The following CCDC73 variants were observed in gnomAD, a reference collection of about 807,000 sequenced individuals.
The protein encoded by CCDC73 is coiled-coil domain-containing protein 73.
In CCDC73, 95 loss-of-function variants were observed where a neutral mutation model predicts 116.5. The observed-to-expected ratio is 0.82, with a 90% CI of 0.69 to 0.97. CCDC73 has a LOEUF of 0.97. Among genes scored for constraint, CCDC73 ranks in the 50% least tolerant of loss-of-function variants. The probability of loss-of-function intolerance (pLI) is 0.00; values close to 1 mark genes in which losing one functional copy is unlikely to be tolerated. For missense variants in CCDC73, 1,066 were observed against 1,206.8 expected, an observed-to-expected ratio of 0.88 and a Z score of 1.73; for synonymous variants, 398 against 401.3, an observed-to-expected ratio of 0.99 and a Z score of 0.10.
Position 32,637,021 on chromosome 11 carries a change from T to TC in CCDC73, c.1051-1192_1051-1191insG, listed in dbSNP as rs1374061841. 3.5e-3 allele frequency among the ~76,000 whole-genome samples: 461 copies of TC among 131,636 alleles called. 2 individuals carry two copies. The highest frequency in any genetic ancestry group is 9.5e-3 in the African/African-American group (351 of 36,932). The allele number at this position is 131,636 out of a possible 152,430, so 86.4% of individuals were successfully genotyped here. On this transcript the variant is annotated intron_variant, in intron 13 of 17. Coordinates refer to ENST00000335185, the MANE Select transcript of CCDC73 (RefSeq NM_001008391.4). ...TCTGTTTCACTTTTTCTTTTTCTTTTTTTTTTTTTTTTTTTTGAGAAGGAG... is the reference window on the plus strand; with the variant it reads ...TCTGTTTCACTTTTTCTTTTTCTTTTCTTTTTTTTTTTTTTTTGAGAAGGAG...
At chr11:32,798,243 A>G (rs1253557680), upstream of CCDC73, among the ~76,000 whole-genome samples, 1 of 152,282 alleles carries the variant, frequency 6.6e-6, no homozygotes, top group Non-Finnish European at 1.5e-5. Context: ...GATAAGGTGC[A>G]CAAAGTGCAT....
At chr11:32,698,291 T>C (rs578034450) in intron 6 of CCDC73, among the ~76,000 whole-genome samples, 24 of 152,306 alleles carry the variant, frequency 1.6e-4, no homozygotes, top group African/African-American at 5.8e-4. Context: ...CCCAAAGTGC[T>C]AGGATTACAG....
At chr11:32,763,340 C>T (rs1850409177) in intron 1 of CCDC73, among the ~76,000 whole-genome samples, 1 of 152,202 alleles carries the variant, frequency 6.6e-6, no homozygotes, top group African/African-American at 2.4e-5. Context: ...AACTGGGAGG[C>T]CCCCCAGTAG....
chr11:32,684,064 T>TTGTG (rs1306163880), intron 6 of CCDC73, among the ~76,000 whole-genome samples: 2 of 152,018 alleles, frequency 1.3e-5, no homozygotes, highest in African/African-American at 2.4e-5. Flanking sequence ...GTTTGTTTGT[T>TTGTG]TTTAAGATAC....
At chr11:32,690,457 C>T (rs767797118) in intron 6 of CCDC73, among the ~76,000 whole-genome samples, 6 of 152,124 alleles carry the variant, frequency 3.9e-5, no homozygotes, top group African/African-American at 9.7e-5. Flanking sequence ...GCTCTGTGTC[C>T]CCACCCAAAT....
intron 3 of CCDC73, 110 bp downstream of exon 3, chr11:32,717,966 A>C (rs1849959858): frequency 1.4e-6 from 1 of 708,700 alleles, no homozygotes; most frequent in Non-Finnish European, 2.3e-6. Flanking sequence ...AAACTGCCCA[A>C]ATGATTCAAT....
Position 32,745,723 on chromosome 11 carries a change from T to TTTTGTTTG in CCDC73, c.135+14378_135+14385dup, listed in dbSNP as rs147851409. ...GGATTGCAACCCCTGGTTTTTGTTT[T>TTTTGTTTG]TTTGTTTGTTTGTTTGTTTTGGTTT... On this transcript the variant is annotated intron_variant, in intron 2 of 17. Transcript: ENST00000335185. Among the ~76,000 whole-genome samples the TTTTGTTTG allele has an allele frequency of 2.1e-3, 305 of 142,832 alleles. 1 individual carries two copies. Among genetic ancestry groups the TTTTGTTTG allele is most frequent in the African/African-American group, 7.4e-3 (284 of 38,316 alleles). The allele number at this position is 142,832 out of a possible 152,430, so 93.7% of individuals were successfully genotyped here.
intron 2 of CCDC73, among the ~76,000 whole-genome samples, chr11:32,730,996 C>G (rs1403219282): frequency 2.0e-5 from 3 of 152,210 alleles, no homozygotes; most frequent in African/African-American, 7.2e-5. Flanking sequence ...CCGGGAAGCA[C>G]AAGGGTTTGG....
chr11:32,652,280 G>A (rs1855832226), intron 12 of CCDC73, among the ~76,000 whole-genome samples: 1 of 151,116 alleles, frequency 6.6e-6, no homozygotes, highest in South Asian at 2.1e-4. Flanking sequence ...CTCCAGCCTG[G>A]GTGACAGAAC....
At chr11:32,663,682 G>A (rs1590578021) in intron 9 of CCDC73, among the ~76,000 whole-genome samples, 1 of 152,054 alleles carries the variant, frequency 6.6e-6, no homozygotes, top group Non-Finnish European at 1.5e-5. Context: ...TCTTTCTCTT[G>A]CCTGATTGCC....
At chr11:32,759,326 C>A (rs1850370218) in intron 2 of CCDC73, among the ~76,000 whole-genome samples, 1 of 136,180 alleles carries the variant, frequency 7.3e-6, no homozygotes, top group Non-Finnish European at 1.5e-5. Context: ...AACATTTTTT[C>A]CTTTTTTTTT....
intron 1 of CCDC73, among the ~76,000 whole-genome samples, chr11:32,773,723 T>A (rs1850509451): frequency 6.6e-6 from 1 of 151,444 alleles, no homozygotes; most frequent in Admixed American, 6.6e-5. Context: ...GAGGTAACAG[T>A]GAGCTATGAT....
intron 2 of CCDC73, among the ~76,000 whole-genome samples, chr11:32,734,952 T>C (rs1466118151): frequency 6.6e-6 from 1 of 152,174 alleles, no homozygotes; most frequent in Non-Finnish European, 1.5e-5. Flanking sequence ...AGAAAAGGCC[T>C]TTGACAAAAT....
chr11:32,739,187 G>A (rs1850161916), intron 2 of CCDC73, among the ~76,000 whole-genome samples: 2 of 151,844 alleles, frequency 1.3e-5, no homozygotes, highest in Non-Finnish European at 1.5e-5. Context: ...GGTCTTTCGT[G>A]GTTCCATATA....
At chr11:32,806,921 A>C in the CCDC73 span, among the ~76,000 whole-genome samples, 12 of 152,196 alleles carry the variant, frequency 7.9e-5, no homozygotes, top group Admixed American at 7.9e-4. Context: ...GAGTGAAGGA[A>C]GACGAATGCA....
chr11:32,605,432 CATT>C (rs1056057008), intron 17 of CCDC73: 1 of 152,144 alleles, frequency 6.6e-6, no homozygotes, highest in Non-Finnish European at 1.5e-5. Context: ...TCAGTTTACT[CATT>C]AGCTTCTTTT....
the CCDC73 span, among the ~76,000 whole-genome samples, chr11:32,811,724 C>T: frequency 6.6e-6 from 1 of 151,950 alleles, no homozygotes; most frequent in South Asian, 2.1e-4. Flanking sequence ...TTTAAACAAC[C>T]AGATCTCACA....
chr11:32,702,936 AAG>A lies in CCDC73; in HGVS notation c.214_215del (p.Leu72SerfsTer19), dbSNP rs770500366. 34 of 1,610,926 alleles carry A rather than the reference AAG, an allele frequency of 2.1e-5. No individual in the cohort carries two copies. The highest frequency in any genetic ancestry group is 2.1e-4 in the South Asian group (19 of 91,036). On this transcript the variant is annotated frameshift_variant, in exon 4 of 18. Coordinates refer to ENST00000335185, the MANE Select transcript of CCDC73 (RefSeq NM_001008391.4). LOFTEE classifies it high-confidence loss of function. Reference protein sequence around the residue: ...TQELKWQKETLQNQKETLAEQ... With the variant: ...TQELKWQKETXQNQKETLAEQ... Reference sequence around the variant, plus strand: ...CTGCCAATGTTTCCTTTTGATTCTGAAGAGTTTCCTGTTTTAAAAATTATGAC... The same window carrying A: ...CTGCCAATGTTTCCTTTTGATTCTGAAGTTTCCTGTTTTAAAAATTATGAC...
At chr11:32,732,109 T>G (rs9736074) in intron 2 of CCDC73, among the ~76,000 whole-genome samples, 48,729 of 152,004 alleles carry the variant, frequency 0.32, 8,081 homozygotes, top group African/African-American at 0.37. Flanking sequence ...GCACAAGAAC[T>G]ATGTGAAAAA....
Sources: allele counts gnomAD v4.1 joint callset (sites outside exome capture counted in the v4.1 genomes callset), GRCh38; gene constraint gnomAD v4.1.1; transcripts MANE v1.5; gene names NCBI Gene and HGNC (gene_info 2026-07-23, HGNC 2026-07-21).